Variants in DST observed in about 807,000 individuals in gnomAD.
DST encodes the protein bullous pemphigoid antigen.
A neutral mutation model predicts 875.2 loss-of-function variants in DST; 253 were observed. The observed-to-expected ratio is 0.29, with a 90% CI of 0.26 to 0.32. The LOEUF (loss-of-function observed/expected upper bound fraction) is 0.32, where lower values mean the gene tolerates loss of function less well. DST is among the 10% of genes least tolerant of loss of function. DST has a pLI of 1.00. For synonymous variants in DST, 3,124 were observed against 3,197.1 expected (o/e 0.98, Z 0.77); for missense variants, 8,287 against 9,111.6 (o/e 0.91, Z 3.68).
chr6:56,788,085 C>T (rs373822021), intron 4 of DST, among the ~76,000 whole-genome samples: 283 of 129,062 alleles, frequency 2.2e-3, no homozygotes, highest in African/African-American at 7.9e-3. Flanking sequence ...GCCGAGATCA[C>T]GCCATTGCAT....
intron 10 of DST, 132 bp downstream of exon 10, chr6:56,670,509 T>C (rs964870449): frequency 1.3e-6 from 1 of 788,864 alleles, no homozygotes; most frequent in Admixed American, 3.8e-5. Flanking sequence ...AATTTTTTAT[T>C]TTAATTTTTC....
chr6:56,749,352 T>C (rs2099581117), intron 4 of DST, among the ~76,000 whole-genome samples: 1 of 151,930 alleles, frequency 6.6e-6, no homozygotes, highest in Admixed American at 6.6e-5. Flanking sequence ...TGACTGTGTC[T>C]CAAAAAAATA....
chr6:56,912,193 C>T (rs1799062454), intron 2 of DST, among the ~76,000 whole-genome samples: 1 of 152,188 alleles, frequency 6.6e-6, no homozygotes, highest in Non-Finnish European at 1.5e-5. Flanking sequence ...ATCATTAGAA[C>T]AGTGGTCCAG....
chr6:56,784,791 G>C (rs1188484137), intron 4 of DST, among the ~76,000 whole-genome samples: 1 of 152,196 alleles, frequency 6.6e-6, no homozygotes, highest in African/African-American at 2.4e-5. Context: ...TTTGGAGGAG[G>C]AGAGGCGCTC....
intron 51 of DST, 131 bp downstream of exon 51, chr6:56,573,548 T>G: frequency 1.5e-6 from 1 of 676,430 alleles, no homozygotes; most frequent in East Asian, 2.7e-5. Flanking sequence ...AAGCATTACT[T>G]TCCACACTCA....
At chr6:56,681,981 G>A (rs1355310999) in intron 9 of DST, among the ~76,000 whole-genome samples, 5 of 152,144 alleles carry the variant, frequency 3.3e-5, no homozygotes, top group African/African-American at 4.8e-5. Flanking sequence ...CAAAACACAT[G>A]TCTGACAACA....
intron 21 of DST, 37 bp from the exon 22 acceptor site, chr6:56,639,400 T>C (rs1455564884): frequency 6.8e-6 from 11 of 1,612,934 alleles, no homozygotes; most frequent in Admixed American, 1.7e-5. Flanking sequence ...TAGAAAAATA[T>C]ATAAACCTAA....
Position 56,831,299 on chromosome 6 carries a change from G to A in DST, c.625+20098C>T, listed in dbSNP as rs550819490. 1.7e-3 allele frequency among the ~76,000 whole-genome samples: 253 copies of A among 152,146 alleles called. 1 individual carries two copies. The highest frequency in any genetic ancestry group is 5.3e-3 in the African/African-American group (220 of 41,516). On this transcript the variant is annotated intron_variant, in intron 4 of 103. Transcript: ENST00000680361. Reference sequence around the variant, plus strand: ...AGGATAAAATCTTCAACTCAACACCGGTTATGTATAAGCAAAATCTATCTT... The same window carrying A: ...AGGATAAAATCTTCAACTCAACACCAGTTATGTATAAGCAAAATCTATCTT...
intron 4 of DST, among the ~76,000 whole-genome samples, chr6:56,735,542 C>T (rs1384293526): frequency 1.3e-5 from 2 of 152,156 alleles, no homozygotes; most frequent in African/African-American, 2.4e-5. Context: ...GCCCCTCTGT[C>T]CCATAACCCC....
At chr6:56,835,495 T>C (rs1382626480) in intron 4 of DST, among the ~76,000 whole-genome samples, 2 of 152,196 alleles carry the variant, frequency 1.3e-5, no homozygotes, top group East Asian at 3.8e-4. Flanking sequence ...AATTTTGCTA[T>C]AAACCTAAAA....
At chr6:56,669,441 C>A (rs2099088512) in intron 10 of DST, among the ~76,000 whole-genome samples, 1 of 151,482 alleles carries the variant, frequency 6.6e-6, no homozygotes, top group Non-Finnish European at 1.5e-5. Flanking sequence ...ACTAAAAATA[C>A]AAAAATTAGC....
intron 72 of DST, among the ~76,000 whole-genome samples, chr6:56,512,995 A>T (rs2096509742): frequency 6.6e-6 from 1 of 152,192 alleles, no homozygotes; most frequent in Admixed American, 6.5e-5. Context: ...TGGTGATGGT[A>T]TATCAGCTAT....
rs945806225 is a variant in DST, at chr6:56,572,197, A to G, written c.13624T>C (p.Ser4542Pro). 3.2e-6 allele frequency: 5 copies of G among 1,571,628 alleles called. No individual in the cohort carries two copies. Among genetic ancestry groups the G allele is most frequent in the Non-Finnish European group, 3.5e-6 (4 of 1,157,890 alleles). Reference protein sequence around the residue: ...EVLHSLLKEISSHGLPSDKAL... With the variant: ...EVLHSLLKEIPSHGLPSDKAL... Reference sequence around the variant, plus strand: ...TTATCACTTGGTAAGCCATGGCTGGATATCTCCTTCAAGAGACTATGCAAA... The same window carrying G: ...TTATCACTTGGTAAGCCATGGCTGGGTATCTCCTTCAAGAGACTATGCAAA... The change falls in exon 53 of 104, where the codon TCC (serine) becomes CCC (proline). Residue 4542 changes from serine (S) to proline (P), a missense_variant. By Grantham distance (74) the Ser-to-Pro change is moderately conservative. Coordinates refer to ENST00000680361, the MANE Select transcript of DST (RefSeq NM_001374736.1).
intron 4 of DST, among the ~76,000 whole-genome samples, chr6:56,786,547 T>C (rs2099705992): frequency 1.3e-5 from 2 of 152,198 alleles, no homozygotes; most frequent in African/African-American, 4.8e-5. Context: ...TTTTGTTTGT[T>C]TTTGAGACAG....
At chr6:56,470,551 T>C (rs2094833381) in intron 95 of DST, among the ~76,000 whole-genome samples, 1 of 152,122 alleles carries the variant, frequency 6.6e-6, no homozygotes, top group Non-Finnish European at 1.5e-5. Context: ...ATGGGTCAAT[T>C]GCTAGTCAAA....
At position 56,511,366 on chromosome 6, in the gene DST, T is replaced by A. The variant is rs748079294; in HGVS notation, c.18611A>T (p.His6204Leu). 6.2e-7 allele frequency: 1 copy of A among 1,607,714 alleles called. No homozygotes were observed. The highest frequency in any genetic ancestry group is 1.1e-5 in the South Asian group (1 of 89,558). ...LRELIAEHKP[H>L]IDKMNKTGPQ... ...CCCAGTTTTGTTCATCTTATCTATA[T>A]GAGGCTTGTGTTCAGCTATCAACTC... Residue 6204 changes from histidine (H) to leucine (L), a missense_variant, in exon 73 of 104, where the codon CAT becomes CTT. This residue lies in a region of DST where 1,292 missense variants were observed against 1,552.7 expected (regional missense o/e 0.83). Coordinates refer to ENST00000680361, the MANE Select transcript of DST (RefSeq NM_001374736.1).
chr6:56,636,523 A>T (rs1405674350), intron 23 of DST, 34 bp downstream of exon 23: 6 of 1,554,592 alleles, frequency 3.9e-6, no homozygotes, highest in Non-Finnish European at 4.4e-6. Context: ...AAATCACAAT[A>T]CCATCTATTG....
At position 56,553,030 on chromosome 6, in the gene DST, C is replaced by T. The variant is rs1283124384; in HGVS notation, c.15762G>A (p.Val5254=). 1 of 1,613,742 alleles carries T rather than the reference C, an allele frequency of 6.2e-7. No individual in the cohort carries two copies. The highest frequency in any genetic ancestry group is 2.2e-5 in the East Asian group (1 of 44,898). Residue 5254 remains valine, a synonymous_variant, in exon 61 of 104, where the codon GTG becomes GTA. Transcript: ENST00000680361. ...TDENKSLIQK[V]DMVTEQLHSK... ...TGTGAAGTTGTTCAGTGACCATGTC[C>T]ACCTTCTGGATCAGTGACTTATTCT...
rs1394793018 is a variant in DST, at chr6:56,529,641, C to G, written c.17402G>C (p.Trp5801Ser). ...ACTTTTCTCTTGAATCTCAATGTAC[C>G]ATACTTGAGAGAAGTCTAATTTACT... ...VQSKLDFSQV[W>S]YIEIQEKSHS... Residue 5801 changes from tryptophan to serine, a missense_variant, in exon 66 of 104, where the codon TGG becomes TCG. Transcript: ENST00000680361. The G allele has an allele frequency of 6.2e-7, 1 of 1,613,716 alleles. No individual in the cohort carries two copies. The highest frequency in any genetic ancestry group is 1.1e-5 in the South Asian group (1 of 91,074).
Sources: gnomAD v4.1 joint callset for allele counts (sites outside exome capture counted in the v4.1 genomes callset) on GRCh38, gnomAD v4.1.1 for gene constraint, gnomAD v4.1.1 regional missense constraint, MANE v1.5 for transcripts, NCBI Gene and HGNC (gene_info 2026-07-23, HGNC 2026-07-21) for gene names.